Variants in VBP1 observed in about 807,000 individuals in gnomAD.
VBP1 encodes prefoldin subunit 3.
In VBP1, 4 loss-of-function variants were observed where a neutral mutation model predicts 15.5. That is an observed-to-expected ratio of 0.26 (90% CI 0.13 to 0.59). VBP1 has a LOEUF of 0.59. VBP1 is among the 20% of genes least tolerant of loss of function. The probability of loss-of-function intolerance (pLI) is 0.90; values close to 1 mark genes in which losing one functional copy is unlikely to be tolerated. For synonymous variants in VBP1, 61 were observed against 52.1 expected (o/e 1.17, Z -0.74); for missense variants, 108 against 139.6 (o/e 0.77, Z 1.14).
chrX:155,235,201 A>T (rs1009598687), intron 4 of VBP1, among the ~76,000 whole-genome samples: 12 of 106,739 alleles, frequency 1.1e-4, no homozygotes, highest in Non-Finnish European at 9.6e-5. Context: ...GGATTTAGAA[A>T]TTTTTTTGGT....
intron 1 of VBP1, among the ~76,000 whole-genome samples, chrX:155,205,599 G>A (rs985709485): frequency 2.7e-5 from 3 of 111,509 alleles, no homozygotes; most frequent in Admixed American, 1.9e-4. Flanking sequence ...CCCTGCTTCT[G>A]CCCTTGCTCC....
At chrX:155,229,114 A>G (rs2074733786) in intron 4 of VBP1, among the ~76,000 whole-genome samples, 1 of 111,848 alleles carries the variant, frequency 8.9e-6, no homozygotes, top group Admixed American at 9.5e-5. Context: ...CAGCTGTCCT[A>G]CGGGGAGGAT....
At chrX:155,232,448 A>G (rs1356007308) in intron 4 of VBP1, among the ~76,000 whole-genome samples, 9 of 111,429 alleles carry the variant, frequency 8.1e-5, no homozygotes, top group African/African-American at 2.9e-4. Flanking sequence ...TTTTTTCCTA[A>G]TATTTATATA....
At chrX:155,221,208 T>C (rs1373131626) in intron 2 of VBP1, among the ~76,000 whole-genome samples, 5 of 111,026 alleles carry the variant, frequency 4.5e-5, no homozygotes, top group Non-Finnish European at 9.4e-5. Context: ...GGCATGCGCT[T>C]GTAATCCCAG....
At chrX:155,214,371 G>A (rs1275390185), upstream of VBP1, among the ~76,000 whole-genome samples, 1 of 112,047 alleles carries the variant, frequency 8.9e-6, no homozygotes, top group Non-Finnish European at 1.9e-5. Context: ...CAGAATTAAC[G>A]ATAAAGAGTA....
At chrX:155,225,002 T>C (rs1382166322) in intron 2 of VBP1, among the ~76,000 whole-genome samples, 2 of 112,371 alleles carry the variant, frequency 1.8e-5, no homozygotes, top group Non-Finnish European at 3.8e-5. Flanking sequence ...TTCCTCTTCA[T>C]ATTACCAATA....
intron 1 of VBP1, among the ~76,000 whole-genome samples, chrX:155,219,468 G>C (rs1233106105): frequency 1.8e-5 from 2 of 112,024 alleles, no homozygotes; most frequent in Non-Finnish European, 3.8e-5. Context: ...TCAGTTATTT[G>C]ATACTGAAGG....
chrX:155,237,279 T>C (rs2074778331), intron 5 of VBP1, among the ~76,000 whole-genome samples: 1 of 110,868 alleles, frequency 9.0e-6, no homozygotes, highest in African/African-American at 3.3e-5. Flanking sequence ...CACTTCTCTC[T>C]TCCTCACTAC....
intron 1 of VBP1, among the ~76,000 whole-genome samples, chrX:155,201,295 G>C (rs782205193): frequency 2.7e-4 from 29 of 108,752 alleles, no homozygotes; most frequent in African/African-American, 9.2e-4. Context: ...AAGCCGGGCA[G>C]AGACACAACA....
At chrX:155,234,536 A>G (rs1303837609) in intron 4 of VBP1, among the ~76,000 whole-genome samples, 1 of 111,484 alleles carries the variant, frequency 9.0e-6, no homozygotes, top group African/African-American at 3.3e-5. Flanking sequence ...ACCACCCAAC[A>G]CTGTTACCAC....
upstream of VBP1, among the ~76,000 whole-genome samples, chrX:155,215,839 G>A (rs2074660511): frequency 8.9e-6 from 1 of 112,197 alleles, no homozygotes; most frequent in Non-Finnish European, 1.9e-5. Context: ...GAGTTCTTAG[G>A]ATTTTGTATG....
chrX:155,198,540 C>G (rs1003942651), intron 1 of VBP1, among the ~76,000 whole-genome samples: 25 of 111,654 alleles, frequency 2.2e-4, no homozygotes, highest in Non-Finnish European at 4.5e-4. Flanking sequence ...AGACCTGCAG[C>G]TGAGGGTCCT....
intron 2 of VBP1, among the ~76,000 whole-genome samples, chrX:155,223,679 G>A (rs1335794128): frequency 8.9e-6 from 1 of 112,464 alleles, no homozygotes; most frequent in African/African-American, 3.2e-5. Context: ...AACCTCCATC[G>A]TCATCATGGC....
intron 2 of VBP1, among the ~76,000 whole-genome samples, chrX:155,220,668 C>T (rs1195248121): frequency 9.0e-6 from 1 of 111,695 alleles, no homozygotes; most frequent in South Asian, 3.7e-4. Context: ...GTTATGAAAT[C>T]CCAAGATTTC....
chrX:155,219,344 A>G (rs1196559939), intron 1 of VBP1, among the ~76,000 whole-genome samples: 2 of 112,185 alleles, frequency 1.8e-5, no homozygotes, highest in Non-Finnish European at 3.8e-5. Flanking sequence ...GCCTTTCTTC[A>G]AGGATCAGCA....
chrX:155,220,911 C>T (rs1333360953), intron 2 of VBP1, among the ~76,000 whole-genome samples: 1 of 112,216 alleles, frequency 8.9e-6, no homozygotes, highest in East Asian at 2.8e-4. Flanking sequence ...GGACACAGGA[C>T]TGGGCATGGT....
intron 1 of VBP1, among the ~76,000 whole-genome samples, chrX:155,199,498 C>T (rs1480296321): frequency 1.8e-5 from 2 of 111,407 alleles, no homozygotes; most frequent in African/African-American, 6.5e-5. Flanking sequence ...ATTTCATATC[C>T]AGTCCAACTA....
chrX:155,204,239 GC>G (rs1247870088), intron 1 of VBP1, among the ~76,000 whole-genome samples: 2 of 110,865 alleles, frequency 1.8e-5, no homozygotes, highest in African/African-American at 6.6e-5. Context: ...TGCAACCTCT[GC>G]CCCCCGGGTT....
upstream of VBP1, among the ~76,000 whole-genome samples, chrX:155,214,418 A>G (rs1408295848): frequency 1.8e-5 from 2 of 112,361 alleles, no homozygotes; most frequent in Non-Finnish European, 3.8e-5. Flanking sequence ...ATTGTGTGCT[A>G]TACACCTTTT....
Sources: allele counts gnomAD v4.1 joint callset (sites outside exome capture counted in the v4.1 genomes callset), GRCh38; gene constraint gnomAD v4.1.1; transcripts MANE v1.5; gene names NCBI Gene and HGNC (gene_info 2026-07-23, HGNC 2026-07-21).